Variants in MTMR1 observed in about 807,000 individuals in gnomAD.
MTMR1 encodes phosphatidylinositol-3-phosphate phosphatase MTMR1.
MTMR1 carries 17 observed loss-of-function variants against 51.6 expected under a neutral mutation model. That is an observed-to-expected ratio of 0.33 (90% confidence interval 0.23 to 0.49). The LOEUF is 0.49. MTMR1 is among the 20% of genes least tolerant of loss of function. The pLI, the probability that MTMR1 is intolerant of heterozygous loss-of-function variation, is 0.99. For missense variants in MTMR1, 386 were observed against 526.9 expected (o/e 0.73, Z 2.62); for synonymous variants, 201 against 205.6 (o/e 0.98, Z 0.19).
At chrX:150,712,741 T>TA (rs1382709784) in intron 3 of MTMR1, 2,637 of 167,952 alleles carry the variant, frequency 0.016, no homozygotes, top group South Asian at 0.022. Flanking sequence ...ATTTAGCAAC[T>TA]AAAAAAAAAA....
intron 4 of MTMR1, among the ~76,000 whole-genome samples, chrX:150,722,040 T>A (rs1229055106): frequency 8.9e-6 from 1 of 112,008 alleles, no homozygotes. Flanking sequence ...AATTTCCATA[T>A]ATTTGTGAAT....
intron 13 of MTMR1, among the ~76,000 whole-genome samples, chrX:150,745,316 C>A (rs945280858): frequency 3.6e-5 from 4 of 111,512 alleles, no homozygotes; most frequent in Non-Finnish European, 7.5e-5. Context: ...AGGGTCTGAG[C>A]CTTCTCTTGC....
intron 2 of MTMR1, among the ~76,000 whole-genome samples, chrX:150,702,864 A>G (rs781870230): frequency 1.8e-5 from 2 of 112,214 alleles, no homozygotes; most frequent in African/African-American, 3.2e-5. Context: ...GTAGATAGCT[A>G]TTATACTGAA....
At chrX:150,716,135 A>T (rs192933495) in intron 3 of MTMR1, among the ~76,000 whole-genome samples, 14 of 112,819 alleles carry the variant, frequency 1.2e-4, no homozygotes, top group African/African-American at 4.5e-4. Context: ...AAAATAATCT[A>T]TTTTCACTTA....
intron 4 of MTMR1, 187 bp from the exon 5 acceptor site, chrX:150,727,028 T>A (rs2041960897): frequency 2.7e-5 from 8 of 295,026 alleles, no homozygotes; most frequent in South Asian, 1.7e-4. Context: ...AATTTTGTTT[T>A]AAAAAATTGA....
chrX:150,729,801 G>C (rs1022368419), intron 6 of MTMR1, among the ~76,000 whole-genome samples: 2 of 111,334 alleles, frequency 1.8e-5, no homozygotes, highest in Non-Finnish European at 3.8e-5. Context: ...GTTGGATTAC[G>C]TGAGGTCAGG....
intron 15 of MTMR1, among the ~76,000 whole-genome samples, chrX:150,757,040 C>T (rs2042923098): frequency 8.9e-6 from 1 of 112,478 alleles, no homozygotes; most frequent in South Asian, 3.7e-4. Flanking sequence ...TAGCATTGCT[C>T]TGTCAGCCAA....
chrX:150,748,697 G>T (rs1309872104), intron 13 of MTMR1, among the ~76,000 whole-genome samples: 1 of 110,337 alleles, frequency 9.1e-6, no homozygotes, highest in Non-Finnish European at 1.9e-5. Context: ...AACTAGCTGG[G>T]TTGTGGCAGT....
At chrX:150,756,654 TA>T (rs1557417772) in intron 15 of MTMR1, among the ~76,000 whole-genome samples, 2 of 112,017 alleles carry the variant, frequency 1.8e-5, no homozygotes, top group African/African-American at 6.5e-5. Context: ...TTTTCTTTTT[TA>T]TTTATTTATT....
rs782696716 is a variant in MTMR1, at chrX:150,765,051, G to A, written c.*2322G>A. The A allele has an allele frequency of 6.2e-4, 67 of 108,821 alleles. No homozygotes were observed. Among genetic ancestry groups the A allele is most frequent in the Non-Finnish European group, 1.2e-3 (60 of 51,381 alleles). 9.0% of individuals were successfully genotyped at this position (108,821 alleles called of 1,213,427 possible). A position where few individuals can be genotyped will look rare whatever the true frequency, so the allele number is the denominator to read the frequency against. On this transcript the variant is annotated 3_prime_UTR_variant, in exon 16 of 16. Transcript: ENST00000445323. ...TCAAGCACAGTTAATATATGATGAT[G>A]TAAAGTAACTAACTTTATGTGATTT...
chrX:150,697,573 C>T (rs2040722217), intron 1 of MTMR1, among the ~76,000 whole-genome samples: 1 of 111,448 alleles, frequency 9.0e-6, no homozygotes, highest in Non-Finnish European at 1.9e-5. Context: ...AACCCGGCCT[C>T]TGGGGGCAAT....
chrX:150,736,526 C>T (rs1191398781), intron 10 of MTMR1, 69 bp from the exon 11 acceptor site: 2 of 1,033,199 alleles, frequency 1.9e-6, no homozygotes, highest in African/African-American at 1.9e-5. Flanking sequence ...TGGTCTGTAT[C>T]TCATAGCACT....
At chrX:150,702,617 C>T (rs917448755) in intron 2 of MTMR1, among the ~76,000 whole-genome samples, 2 of 111,789 alleles carry the variant, frequency 1.8e-5, no homozygotes, top group Non-Finnish European at 3.8e-5. Flanking sequence ...TGTCCATGGA[C>T]GTATTTTAGT....
chrX:150,758,352 T>C (rs1455396225), intron 15 of MTMR1, among the ~76,000 whole-genome samples: 1 of 111,599 alleles, frequency 9.0e-6, no homozygotes, highest in African/African-American at 3.3e-5. Flanking sequence ...TCCACCTTCC[T>C]CCAGAGAGGC....
At chrX:150,700,725 C>G (rs190897662) in intron 2 of MTMR1, among the ~76,000 whole-genome samples, 7 of 112,558 alleles carry the variant, frequency 6.2e-5, no homozygotes, top group African/African-American at 1.9e-4. Flanking sequence ...ACTTAAGAAC[C>G]CATTTTAGCA....
At chrX:150,698,729 A>C (rs1334078296) in intron 1 of MTMR1, among the ~76,000 whole-genome samples, 3 of 93,321 alleles carry the variant, frequency 3.2e-5, no homozygotes, top group African/African-American at 8.3e-5. Flanking sequence ...CACACACAAA[A>C]GCCGGGCCTG....
At chrX:150,760,566 T>A (rs2043079915) in intron 15 of MTMR1, among the ~76,000 whole-genome samples, 1 of 111,699 alleles carries the variant, frequency 9.0e-6, no homozygotes, top group African/African-American at 3.3e-5. Context: ...TCTAACACAA[T>A]CCTCTGTTTA....
chrX:150,724,323 A>G (rs1406311542), intron 4 of MTMR1, among the ~76,000 whole-genome samples: 1 of 107,660 alleles, frequency 9.3e-6, no homozygotes, highest in Non-Finnish European at 1.9e-5. Context: ...TTTGATTTTC[A>G]TTTCTCTAAT....
chrX:150,735,511 T>C, intron 10 of MTMR1: 1 of 495,980 alleles, frequency 2.0e-6, no homozygotes, highest in East Asian at 3.7e-5. Context: ...CTAGGAAGTA[T>C]GCCCTCCTCT....
Sources: gnomAD v4.1 joint callset for allele counts (sites outside exome capture counted in the v4.1 genomes callset) on GRCh38, gnomAD v4.1.1 for gene constraint, MANE v1.5 for transcripts, NCBI Gene and HGNC (gene_info 2026-07-23, HGNC 2026-07-21) for gene names.